Variants in MINK1 observed in about 807,000 individuals in gnomAD.
MINK1 encodes misshapen like kinase 1.
In MINK1, 46 loss-of-function variants were observed where a neutral mutation model predicts 178.4. That is an observed-to-expected ratio of 0.26 (90% confidence interval 0.20 to 0.33). The LOEUF is 0.33. Among genes scored for constraint, MINK1 ranks in the 10% least tolerant of loss-of-function variants. The pLI, the probability that MINK1 is intolerant of heterozygous loss-of-function variation, is 1.00. For synonymous variants in MINK1, 797 were observed against 709.7 expected, an observed-to-expected ratio of 1.12 and a Z score of -1.96; for missense variants, 1,366 against 1,814.9, an observed-to-expected ratio of 0.75 and a Z score of 4.49.
At chr17:4,851,906 A>G (rs1013428752) in intron 1 of MINK1, among the ~76,000 whole-genome samples, 1 of 149,878 alleles carries the variant, frequency 6.7e-6, no homozygotes, top group Non-Finnish European at 1.5e-5. Context: ...AGGCTGGGAC[A>G]GGAGAATCAC....
chr17:4,868,799 G>A (rs530461327), intron 1 of MINK1: 14 of 309,896 alleles, frequency 4.5e-5, no homozygotes, highest in South Asian at 1.4e-4. Context: ...AGGTTGGAGC[G>A]CAGTGGCATG....
At position 4,874,378 on chromosome 17, in the gene MINK1, G is replaced by A. The variant is rs139642558; in HGVS notation, c.58-3939G>A. 4.7e-3 allele frequency among the ~76,000 whole-genome samples: 721 copies of A among 152,336 alleles called. 4 individuals carry two copies. Among genetic ancestry groups the A allele is most frequent in the African/African-American group, 0.016 (649 of 41,570 alleles). On this transcript the variant is annotated intron_variant, in intron 1 of 31. Coordinates refer to ENST00000355280, the MANE Select transcript of MINK1 (RefSeq NM_153827.5). ...AGTGGTTGGATAATAACGGGGCATC[G>A]TTAAATGTCAGGCTGAGGTGTTGGG...
At chr17:4,840,264 G>A (rs1180031096) in intron 1 of MINK1, among the ~76,000 whole-genome samples, 1 of 152,118 alleles carries the variant, frequency 6.6e-6, no homozygotes, top group African/African-American at 2.4e-5. Context: ...GGAGACTCTG[G>A]AATGGGGCCA....
Position 4,884,434 on chromosome 17 carries a change from G to A in MINK1, c.378G>A (p.Lys126=). ...LVKNTKGNAL[K]EDCIAYICRE... ...AGAACACAAAAGGCAACGCCCTGAA[G>A]GAGGACTGTATCGCCTATATCTGCA... Residue 126 remains lysine (K), a synonymous_variant, in exon 5 of 32, where the codon AAG becomes AAA. Transcript: ENST00000355280. The A allele has an allele frequency of 6.2e-7, 1 of 1,613,952 alleles. No homozygotes were observed. Among genetic ancestry groups the A allele is most frequent in the African/African-American group, 1.3e-5 (1 of 75,034 alleles).
intron 1 of MINK1, among the ~76,000 whole-genome samples, chr17:4,857,552 T>A (rs979567975): frequency 2.8e-5 from 4 of 141,090 alleles, no homozygotes; most frequent in Non-Finnish European, 6.1e-5. Context: ...CTTCAACCTC[T>A]GCCTCCAGGG....
intron 1 of MINK1, chr17:4,875,652 G>A (rs1377279565): frequency 3.0e-6 from 1 of 329,764 alleles, no homozygotes; most frequent in African/African-American, 2.2e-5. Context: ...CACGCCTGTA[G>A]TCCCAGCTAC....
At chr17:4,892,115 C>T (rs768056867) in intron 16 of MINK1, 34 bp from the exon 17 acceptor site, 21 of 1,532,230 alleles carry the variant, frequency 1.4e-5, no homozygotes, top group Admixed American at 3.8e-5. Flanking sequence ...CCTGTCGCAG[C>T]GCCAGCTCGC....
intron 1 of MINK1, among the ~76,000 whole-genome samples, chr17:4,846,291 C>G (rs1308727978): frequency 6.6e-6 from 1 of 152,204 alleles, no homozygotes; most frequent in East Asian, 1.9e-4. Flanking sequence ...CTCAAGGACT[C>G]ATGAGGTCTT....
At chr17:4,870,008 C>T (rs574396717) in intron 1 of MINK1, among the ~76,000 whole-genome samples, 3 of 150,640 alleles carry the variant, frequency 2.0e-5, no homozygotes, top group East Asian at 2.0e-4. Flanking sequence ...CCAGGGTTCA[C>T]GCCATTCTCC....
intron 1 of MINK1, among the ~76,000 whole-genome samples, chr17:4,837,720 G>A (rs569258250): frequency 2.0e-5 from 3 of 152,326 alleles, no homozygotes; most frequent in Admixed American, 1.3e-4. Flanking sequence ...GACCCACTTC[G>A]TAAATCAAAC....
At chr17:4,851,154 CCA>C (rs1911889863) in intron 1 of MINK1, 8 of 391,094 alleles carry the variant, frequency 2.0e-5, no homozygotes, top group South Asian at 1.2e-4. Flanking sequence ...TCACTTTTTG[CCA>C]CAGTTTTGCC....
Position 4,892,676 on chromosome 17 carries a change from G to A in MINK1, c.2219G>A (p.Ser740Asn), listed in dbSNP as rs1194459303. 22 of 1,609,802 alleles carry A rather than the reference G, an allele frequency of 1.4e-5. No individual in the cohort carries two copies. Among genetic ancestry groups the A allele is most frequent in the East Asian group, 2.2e-5 (1 of 44,868 alleles). The part of the protein sequence containing the change: ...NASSNPDLRR[S>N]DPGWERSDSV... ...AACAGTAACCCCGACCTCAGGAGGAGCGACCCTGGCTGGGAACGCTCGGAC... is the reference window on the plus strand; with the variant it reads ...AACAGTAACCCCGACCTCAGGAGGAACGACCCTGGCTGGGAACGCTCGGAC... The change falls in exon 19 of 32, where the codon AGC (serine) becomes AAC (asparagine). Residue 740 changes from serine (S) to asparagine (N), a missense_variant. Physicochemically the swap from Ser to Asn is conservative, Grantham distance 46. Coordinates refer to ENST00000355280, the MANE Select transcript of MINK1 (RefSeq NM_153827.5).
In MINK1 at chr17:4,890,768, C is replaced by T. The variant is rs983265788; in HGVS notation, c.1566+33C>T. 13 of 1,536,914 alleles carry T rather than the reference C, an allele frequency of 8.5e-6. No individual in the cohort carries two copies. In the African/African-American group the frequency reaches 1.8e-4, roughly 21 times the overall value. On this transcript the variant is annotated intron_variant, in intron 14 of 31. Coordinates refer to ENST00000355280, the MANE Select transcript of MINK1 (RefSeq NM_153827.5). ...CTGCCTCCTTTGCCTCCTGAGACTG[C>T]AGTCCCACTGCCTGAGGCCTGGAGA...
chr17:4,873,194 A>G (rs1051350166), intron 1 of MINK1, among the ~76,000 whole-genome samples: 1 of 152,118 alleles, frequency 6.6e-6, no homozygotes, highest in East Asian at 1.9e-4. Context: ...CATTCTCCCT[A>G]GATATCTTGT....
rs767864568 is a variant in MINK1 at position 4,887,713 on chromosome 17, G to A, written c.1153G>A (p.Ala385Thr). The A allele has an allele frequency of 2.7e-5, 42 of 1,557,442 alleles. No homozygotes were observed. Among genetic ancestry groups the A allele is most frequent in the Non-Finnish European group, 3.5e-5 (40 of 1,151,346 alleles). Residue 385 changes from alanine to threonine, a missense_variant, in exon 12 of 32, where the codon GCA becomes ACA. By Grantham distance (58) the Ala-to-Thr change is moderately conservative. This residue lies in a region of MINK1 where 56 missense variants were observed against 64.0 expected (regional missense o/e 0.87). Coordinates refer to ENST00000355280, the MANE Select transcript of MINK1 (RefSeq NM_153827.5). The surrounding 1 kb of genome is among the most constrained non-coding windows in gnomAD (Gnocchi z 7.6). The part of the protein sequence containing the change: ...LQQQQQRDPE[A>T]HIKHLLHQRQ... ...GCAGCAGCAGCAGCGAGACCCCGAGGCACACATCAAACACCTGCTGCACCA... is the reference window on the plus strand; with the variant it reads ...GCAGCAGCAGCAGCGAGACCCCGAGACACACATCAAACACCTGCTGCACCA...
At chr17:4,853,788 C>G (rs1257728759) in intron 1 of MINK1, among the ~76,000 whole-genome samples, 1 of 152,056 alleles carries the variant, frequency 6.6e-6, no homozygotes, top group Non-Finnish European at 1.5e-5. Flanking sequence ...TCAAACGGCT[C>G]TGACATTTGA....
chr17:4,890,206 A>AC, intron 13 of MINK1: 1 of 277,702 alleles, frequency 3.6e-6, no homozygotes, highest in Non-Finnish European at 4.6e-6. Context: ...CCCCCACCCC[A>AC]CACCCCGTCC....
rs748599109 is a variant in MINK1, at chr17:4,887,097, C to T, written c.950-13C>T. 2.5e-6 allele frequency: 4 copies of T among 1,579,138 alleles called. No individual in the cohort carries two copies. The East Asian group carries it at 7.0e-5, about 27-fold the overall frequency. ...GCGCTGGGTGAGATAACTGCAGTGG[C>T]CTCCCCCTGCAGAGGAGACAGAATA... On this transcript the variant is annotated splice_polypyrimidine_tract_variant and intron_variant, in intron 10 of 31. Transcript: ENST00000355280. This position sits in a 1 kb window ranked among gnomAD's most constrained non-coding sequence, Gnocchi z 7.6.
At chr17:4,865,536 G>T (rs970760857) in intron 1 of MINK1, among the ~76,000 whole-genome samples, 1 of 151,838 alleles carries the variant, frequency 6.6e-6, no homozygotes, top group Non-Finnish European at 1.5e-5. Flanking sequence ...GGACAAATGT[G>T]CCTATGTGGA....
Sources: gnomAD v4.1 joint callset for allele counts (sites outside exome capture counted in the v4.1 genomes callset) on GRCh38, gnomAD v4.1.1 for gene constraint, gnomAD v4.1.1 regional missense constraint, Gnocchi (gnomAD v3.1) non-coding constraint, MANE v1.5 for transcripts, NCBI Gene and HGNC (gene_info 2026-07-23, HGNC 2026-07-21) for gene names.